The following NDC1 variants were observed in gnomAD, a reference collection of about 807,000 sequenced individuals.
The protein encoded by NDC1 is NDC1 transmembrane nucleoporin.
Under a neutral mutation model 89.8 loss-of-function variants are expected in NDC1, and 24 were observed. The observed-to-expected ratio is 0.27, with a 90% CI of 0.19 to 0.38. The LOEUF is 0.38. Ranked by LOEUF, NDC1 falls within the 10% of genes least tolerant of loss-of-function variation. NDC1 has a pLI of 1.00. For synonymous variants in NDC1, 296 were observed against 284.8 expected (o/e 1.04, Z -0.39); for missense variants, 728 against 797.6 (o/e 0.91, Z 1.05).
Position 53,835,516 on chromosome 1 carries a change from A to G in NDC1, c.162T>C (p.Pro54=). 1 of 1,613,398 alleles carries G rather than the reference A, an allele frequency of 6.2e-7. No individual in the cohort carries two copies. The highest frequency in any genetic ancestry group is 8.5e-7 in the Non-Finnish European group (1 of 1,179,682). Reference sequence around the variant, plus strand: ...ATCACCTACCAGACAGCCACTGTATAGGATGAAACAAATCAATCCTGCTGA... The same window carrying G: ...ATCACCTACCAGACAGCCACTGTATGGGATGAAACAAATCAATCCTGCTGA... The part of the protein sequence containing the change: ...IIFSRIDLFH[P]IQWLSDSFSD... Residue 54 remains proline (P), a synonymous_variant, in exon 2 of 18, where the codon CCT becomes CCC. Transcript: ENST00000371429.
At chr1:53,789,799 C>CA (rs35994081) in intron 14 of NDC1, among the ~76,000 whole-genome samples, 7,243 of 108,856 alleles carry the variant, frequency 0.067, 243 homozygotes, top group Middle Eastern at 0.14. Flanking sequence ...AACTCCATCT[C>CA]AAAAAAAAAA....
chr1:53,803,930 G>A lies in NDC1; in HGVS notation c.1064C>T (p.Pro355Leu). Residue 355 changes from proline to leucine, a missense_variant and splice_region_variant, in exon 10 of 18, where the codon CCA becomes CTA. Transcript: ENST00000371429. ...AAGTCTATTACTTTTAGCAATACCT[G>A]GTTGGCTGAGGCTGAAAACTTCTTG... Reference protein sequence around the residue: ...RRQEVFSLSQPGGHPHNWTAI... With the variant: ...RRQEVFSLSQLGGHPHNWTAI... 1 of 1,610,122 alleles carries A rather than the reference G, an allele frequency of 6.2e-7. No homozygotes were observed. Among genetic ancestry groups the A allele is most frequent in the Non-Finnish European group, 8.5e-7 (1 of 1,176,436 alleles).
At chr1:53,828,261 A>C (rs1452010009) in intron 3 of NDC1, 88 bp from the exon 4 acceptor site, 14 of 1,226,344 alleles carry the variant, frequency 1.1e-5, no homozygotes, top group Middle Eastern at 4.0e-4. Context: ...CCTTGCACAA[A>C]TGTTCCAAAG....
At chr1:53,810,517 AAG>A (rs918496621) in intron 6 of NDC1, among the ~76,000 whole-genome samples, 1 of 152,250 alleles carries the variant, frequency 6.6e-6, no homozygotes, top group Non-Finnish European at 1.5e-5. Context: ...TTATAGGAGA[AAG>A]AGCAAATCAT....
chr1:53,818,666 T>C (rs1009758906), intron 6 of NDC1, among the ~76,000 whole-genome samples: 6 of 152,228 alleles, frequency 3.9e-5, no homozygotes, highest in Non-Finnish European at 7.3e-5. Context: ...CATACAGTAT[T>C]TGTCTTTTTG....
At chr1:53,804,075 G>T in intron 9 of NDC1, 66 bp from the exon 10 acceptor site, 1 of 1,142,674 alleles carries the variant, frequency 8.8e-7, no homozygotes, top group Non-Finnish European at 1.3e-6. Flanking sequence ...CTCACTAATT[G>T]GGTTCATCAT....
In NDC1 at chr1:53,807,761, A is replaced by G. The variant is rs1157332614; in HGVS notation, c.786T>C (p.Ser262=). Residue 262 remains serine (S), a synonymous_variant, in exon 8 of 18, where the codon AGT becomes AGC. Coordinates refer to ENST00000371429, the MANE Select transcript of NDC1 (RefSeq NM_018087.5). ...AGAGTAACGAGAGATTTAAGAGGCCACTCACTGTGTCAAGTGGCCTATGAA... is the reference window on the plus strand; with the variant it reads ...AGAGTAACGAGAGATTTAAGAGGCCGCTCACTGTGTCAAGTGGCCTATGAA... The part of the protein sequence containing the change: ...EQVHRPLDTV[S]GLLNLSLLYH... 3.1e-6 allele frequency: 5 copies of G among 1,613,170 alleles called. No individual in the cohort carries two copies. Among genetic ancestry groups the G allele is most frequent in the East Asian group, 4.5e-5 (2 of 44,856 alleles).
Position 53,838,216 on chromosome 1 carries a change from T to C in NDC1, c.46A>G (p.Ile16Val), listed in dbSNP as rs1430311505. 43 of 1,535,704 alleles carry C rather than the reference T, an allele frequency of 2.8e-5. No individual in the cohort carries two copies. The highest frequency in any genetic ancestry group is 3.8e-5 in the Non-Finnish European group (43 of 1,146,014). Reference protein sequence around the residue: ...SRPCAGRSRDILWRVLGWRIV... With the variant: ...SRPCAGRSRDVLWRVLGWRIV... Reference sequence around the variant, plus strand: ...CACGCCGCACTCACGCGCCACAGTATGTCCCGCGACCTGCCGGCGCAGGGC... The same window carrying C: ...CACGCCGCACTCACGCGCCACAGTACGTCCCGCGACCTGCCGGCGCAGGGC... The change falls in exon 1 of 18, where the codon ATA becomes GTA. Residue 16 changes from isoleucine to valine, a missense_variant. Transcript: ENST00000371429.
intron 16 of NDC1, among the ~76,000 whole-genome samples, chr1:53,776,303 T>C (rs535775031): frequency 6.6e-6 from 1 of 152,246 alleles, no homozygotes; most frequent in East Asian, 1.9e-4. Flanking sequence ...CATTAAAGTC[T>C]AGAGCTATGC....
chr1:53,822,719 G>A (rs978715917), intron 5 of NDC1, among the ~76,000 whole-genome samples: 1 of 151,802 alleles, frequency 6.6e-6, no homozygotes, highest in Non-Finnish European at 1.5e-5. Context: ...AAAGCTACCT[G>A]ACAGGTAGCA....
chr1:53,828,588 T>C (rs1355282158), intron 3 of NDC1, among the ~76,000 whole-genome samples: 1 of 151,480 alleles, frequency 6.6e-6, no homozygotes, highest in South Asian at 2.1e-4. Context: ...TTTTTATTTA[T>C]TTATTTATTT....
intron 6 of NDC1, among the ~76,000 whole-genome samples, chr1:53,812,439 T>C (rs912623666): frequency 2.0e-5 from 3 of 152,150 alleles, no homozygotes; most frequent in Admixed American, 6.5e-5. Flanking sequence ...TCAGGAAACT[T>C]TGGATTCACT....
chr1:53,784,815 G>A (rs913235906), intron 16 of NDC1, among the ~76,000 whole-genome samples: 2 of 151,804 alleles, frequency 1.3e-5, no homozygotes, highest in African/African-American at 4.8e-5. Context: ...TAAATCAGCT[G>A]GGCATAGTGG....
At chr1:53,770,305 T>G (rs1376552606) in intron 17 of NDC1, among the ~76,000 whole-genome samples, 1 of 152,012 alleles carries the variant, frequency 6.6e-6, no homozygotes, top group Admixed American at 6.6e-5. Context: ...ATTTATGTAT[T>G]TATTTATTTA....
intron 6 of NDC1, among the ~76,000 whole-genome samples, chr1:53,818,735 A>T (rs542742329): frequency 6.6e-5 from 10 of 152,382 alleles, no homozygotes; most frequent in Admixed American, 6.5e-4. Flanking sequence ...TGTAGTACAT[A>T]ACAAGATTTC....
At chr1:53,806,674 C>T (rs1648121286) in intron 8 of NDC1, among the ~76,000 whole-genome samples, 157 bp from the exon 9 acceptor site, 2 of 152,136 alleles carry the variant, frequency 1.3e-5, no homozygotes, top group Admixed American at 1.3e-4. Context: ...CCAAACACAC[C>T]ATTTTTTTTA....
Position 53,767,963 on chromosome 1 carries a change from T to G in NDC1, c.*7A>C. 1.9e-6 allele frequency: 3 copies of G among 1,578,792 alleles called. No homozygotes were observed. The highest frequency in any genetic ancestry group is 2.2e-5 in the South Asian group (2 of 89,130). On this transcript the variant is annotated 3_prime_UTR_variant, in exon 18 of 18. Transcript: ENST00000371429. ...GCAGTGTAATGAACACAGTTTATAT[T>G]ACTTAACTATTCTTTGAACTCCAAG... is the stretch of plus-strand genomic sequence containing the variant.
At chr1:53,819,229 T>C (rs1399259183) in intron 5 of NDC1, 150 bp from the exon 6 acceptor site, 1 of 591,284 alleles carries the variant, frequency 1.7e-6, no homozygotes, top group Non-Finnish European at 3.0e-6. Context: ...AGCAAAAACA[T>C]CAACTATTTC....
chr1:53,832,363 A>C, intron 3 of NDC1, 127 bp downstream of exon 3: 1 of 554,240 alleles, frequency 1.8e-6, no homozygotes, highest in Admixed American at 3.4e-5. Context: ...CAACATTTGA[A>C]GCATATGATT....
Sources: gnomAD v4.1 joint callset for allele counts (sites outside exome capture counted in the v4.1 genomes callset) on GRCh38, gnomAD v4.1.1 for gene constraint, MANE v1.5 for transcripts, NCBI Gene and HGNC (gene_info 2026-07-23, HGNC 2026-07-21) for gene names.